Variants in CHMP2B observed in about 807,000 individuals in gnomAD.
CHMP2B encodes VPS2 homolog B.
CHMP2B carries 22 observed loss-of-function variants against 29.8 expected under a neutral mutation model. That is an observed-to-expected ratio of 0.74 (90% CI 0.53 to 1.05). The LOEUF (loss-of-function observed/expected upper bound fraction) is 1.05, where lower values mean the gene tolerates loss of function less well. CHMP2B is among the 50% of genes least tolerant of loss of function. The pLI, the probability that CHMP2B is intolerant of heterozygous loss-of-function variation, is 0.00. For synonymous variants in CHMP2B, 78 were observed against 75.8 expected, an observed-to-expected ratio of 1.03 and a Z score of -0.15; for missense variants, 261 against 252.2, an observed-to-expected ratio of 1.03 and a Z score of -0.24.
At chr3:87,234,157 G>A (rs1374408581) in intron 1 of CHMP2B, among the ~76,000 whole-genome samples, 3 of 152,122 alleles carry the variant, frequency 2.0e-5, no homozygotes, top group East Asian at 1.9e-4. Context: ...ATCCTCAAAT[G>A]TACAAATTAT....
intron 2 of CHMP2B, among the ~76,000 whole-genome samples, chr3:87,244,770 G>A (rs536330038): frequency 1.0e-3 from 159 of 152,178 alleles, no homozygotes; most frequent in African/African-American, 3.7e-3. Flanking sequence ...AGTGACACTT[G>A]TAAATAATGT....
chr3:87,255,208 G>A lies in CHMP2B; in HGVS notation c.*1386G>A, dbSNP rs1706383123. On this transcript the variant is annotated 3_prime_UTR_variant, in exon 6 of 6. Coordinates refer to ENST00000263780, the MANE Select transcript of CHMP2B (RefSeq NM_014043.4). ...GTATACATGTGACACGGATTGCTAGGAGGAATGAAAAACTAAACTGTATAG... is the reference window on the plus strand; with the variant it reads ...GTATACATGTGACACGGATTGCTAGAAGGAATGAAAAACTAAACTGTATAG... The A allele has an allele frequency of 6.6e-6, 1 of 152,216 alleles. No individual in the cohort carries two copies. Among genetic ancestry groups the A allele is most frequent in the African/African-American group, 2.4e-5 (1 of 41,392 alleles). The allele number at this position is 152,216 out of a possible 1,614,324, so 9.4% of individuals were successfully genotyped here.
At position 87,227,506 on chromosome 3, in the gene CHMP2B, G is replaced by A. The variant is rs1240660049; in HGVS notation, c.-17G>A. 1.9e-6 allele frequency: 3 copies of A among 1,614,138 alleles called. No homozygotes were observed. Among genetic ancestry groups the A allele is most frequent in the Middle Eastern group, 1.6e-4 (1 of 6,062 alleles). On this transcript the variant is annotated 5_prime_UTR_variant, in exon 1 of 6. Coordinates refer to ENST00000263780, the MANE Select transcript of CHMP2B (RefSeq NM_014043.4). ...CGGACCGGGCCGAGCCGGGCCGCCC[G>A]GGCGCAGTCTTTAACCATGGCGTCC...
chr3:87,236,433 G>T (rs574266170), intron 1 of CHMP2B, among the ~76,000 whole-genome samples: 145 of 152,280 alleles, frequency 9.5e-4, no homozygotes, highest in Admixed American at 2.0e-3. Flanking sequence ...AAAAATGTAT[G>T]TAGATAGAAT....
At position 87,239,443 on chromosome 3, in the gene CHMP2B, G is replaced by A. The variant is rs1325137818; in HGVS notation, c.35-1256G>A. Among the ~76,000 whole-genome samples, 3 of 152,200 alleles carry A rather than the reference G, an allele frequency of 2.0e-5. No homozygotes were observed. In the East Asian group the frequency reaches 5.8e-4, roughly 29 times the overall value. On this transcript the variant is annotated intron_variant, in intron 1 of 5. Transcript: ENST00000263780. ...AGTTAATGTTTGTATACAGTGTGAC[G>A]TAAAGGTCCAACTTTATTCTTTTTC...
chr3:87,233,421 T>TGG (rs1705940708), intron 1 of CHMP2B, among the ~76,000 whole-genome samples: 10 of 152,226 alleles, frequency 6.6e-5, no homozygotes, highest in African/African-American at 1.4e-4. Flanking sequence ...TTTTAATGCC[T>TGG]TAGCTTTTGA....
intron 2 of CHMP2B, among the ~76,000 whole-genome samples, chr3:87,242,858 TAGAC>T (rs1430018810): frequency 6.6e-5 from 10 of 152,206 alleles, no homozygotes; most frequent in African/African-American, 2.2e-4. Context: ...GTCTAAAAGT[TAGAC>T]AGCATTAATC....
chr3:87,227,666 G>A (rs1705837836), intron 1 of CHMP2B, 110 bp downstream of exon 1: 1 of 1,450,578 alleles, frequency 6.9e-7, no homozygotes, highest in South Asian at 1.1e-5. Flanking sequence ...GCTGGATCAA[G>A]TGGTCCCACA....
rs1461048961 is a variant in CHMP2B, at chr3:87,229,403, G to A, written c.34+1847G>A. ...TGTGCAATTTCCAAATGTAAATTTG[G>A]CCAGCAGGTACATTTACTATAAACT... On this transcript the variant is annotated intron_variant, in intron 1 of 5. Transcript: ENST00000263780. Among the ~76,000 whole-genome samples, 26 of 152,066 alleles carry A rather than the reference G, an allele frequency of 1.7e-4. 1 individual carries two copies. The highest frequency in any genetic ancestry group is 1.7e-3 in the Admixed American group (26 of 15,258).
intron 3 of CHMP2B, among the ~76,000 whole-genome samples, chr3:87,248,781 A>G (rs564321472): frequency 2.0e-5 from 3 of 152,210 alleles, no homozygotes; most frequent in Admixed American, 6.5e-5. Context: ...GGGGGAATGC[A>G]GTGTCATACT....
chr3:87,231,214 CCTAGGTGTCT>C (rs1456990322), intron 1 of CHMP2B, among the ~76,000 whole-genome samples: 1 of 152,092 alleles, frequency 6.6e-6, no homozygotes, highest in African/African-American at 2.4e-5. Flanking sequence ...AATATCTGTA[CCTAGGTGTCT>C]CACAGTACCT....
rs963258376 is a variant in CHMP2B, at chr3:87,254,902, C to T, written c.*1080C>T. ...AAATTCACATTTTTTGATAAATAAA[C>T]TACAGTTTTACCAGAAATTACTATC... On this transcript the variant is annotated 3_prime_UTR_variant, in exon 6 of 6. Coordinates refer to ENST00000263780, the MANE Select transcript of CHMP2B (RefSeq NM_014043.4). 1 of 151,906 alleles carries T rather than the reference C, an allele frequency of 6.6e-6. No individual in the cohort carries two copies. The highest frequency in any genetic ancestry group is 1.5e-5 in the Non-Finnish European group (1 of 67,902). The allele number at this position is 151,906 out of a possible 1,614,324, so 9.4% of individuals were successfully genotyped here. A position where few individuals can be genotyped will look rare whatever the true frequency, so the allele number is the denominator to read the frequency against.
intron 1 of CHMP2B, among the ~76,000 whole-genome samples, chr3:87,231,266 C>G (rs1286686535): frequency 6.6e-6 from 1 of 152,140 alleles, no homozygotes; most frequent in Non-Finnish European, 1.5e-5. Context: ...AACTCATCAT[C>G]ATATCCTTTG....
Position 87,227,469 on chromosome 3 carries a change from C to A in CHMP2B, c.-54C>A, listed in dbSNP as rs573036388. ...CCTGTCCTTTTCCTCCTGTCCTTTG[C>A]CAGCGTTGGGCCGGACCGGGCCGAG... is the stretch of plus-strand genomic sequence containing the variant. On this transcript the variant is annotated 5_prime_UTR_variant, in exon 1 of 6. Transcript: ENST00000263780. 6.2e-6 allele frequency: 10 copies of A among 1,609,480 alleles called. No homozygotes were observed. The East Asian group carries it at 1.3e-4, about 22-fold the overall frequency.
intron 2 of CHMP2B, 141 bp downstream of exon 2, chr3:87,240,931 G>A (rs1217825948): frequency 5.8e-6 from 4 of 690,170 alleles, no homozygotes; most frequent in African/African-American, 1.8e-5. Context: ...AATGATTTTT[G>A]TATCTTCTGC....
In CHMP2B at chr3:87,253,906, G is replaced by C; in HGVS notation, c.*84G>C. On this transcript the variant is annotated 3_prime_UTR_variant, in exon 6 of 6. Transcript: ENST00000263780. Reference sequence around the variant, plus strand: ...TGCAGATTTCTTTTACAAAACACATGTATTTTGCAAAAAAAAAAAAAATGA... The same window carrying C: ...TGCAGATTTCTTTTACAAAACACATCTATTTTGCAAAAAAAAAAAAAATGA... 1.2e-6 allele frequency: 1 copy of C among 823,780 alleles called. No homozygotes were observed. The allele number at this position is 823,780 out of a possible 1,614,324, so 51.0% of individuals were successfully genotyped here.
intron 2 of CHMP2B, among the ~76,000 whole-genome samples, chr3:87,244,029 T>TG (rs1251643396): frequency 2.7e-4 from 37 of 136,804 alleles, no homozygotes; most frequent in South Asian, 6.6e-4. Flanking sequence ...TTTTGTTTTT[T>TG]TTTTTTTGTT....
At chr3:87,251,356 G>A (rs534533188) in intron 4 of CHMP2B, among the ~76,000 whole-genome samples, 1 of 151,826 alleles carries the variant, frequency 6.6e-6, no homozygotes. Context: ...AATGATCTTA[G>A]TACTTAACAT....
intron 4 of CHMP2B, among the ~76,000 whole-genome samples, chr3:87,251,927 T>C (rs568998335): frequency 6.6e-6 from 1 of 152,092 alleles, no homozygotes; most frequent in East Asian, 1.9e-4. Context: ...TGTATTACTT[T>C]GCTAAGTTAC....
Sources: allele counts gnomAD v4.1 joint callset (sites outside exome capture counted in the v4.1 genomes callset), GRCh38; gene constraint gnomAD v4.1.1; transcripts MANE v1.5; gene names NCBI Gene and HGNC (gene_info 2026-07-23, HGNC 2026-07-21).